USP44: variants seen among roughly 807,000 people sequenced by gnomAD.
The protein encoded by USP44 is ubiquitin carboxyl-terminal hydrolase 44.
A neutral mutation model predicts 69.0 loss-of-function variants in USP44; 61 were observed. The ratio of observed to expected loss-of-function variants is 0.88; its 90% CI spans 0.72 to 1.09. USP44 has a LOEUF of 1.09. Ranked by LOEUF, USP44 falls within the 50% of genes least tolerant of loss-of-function variation. The pLI is 0.00. For synonymous variants in USP44, 297 were observed against 295.4 expected, an observed-to-expected ratio of 1.01 and a Z score of -0.06; for missense variants, 753 against 849.9, an observed-to-expected ratio of 0.89 and a Z score of 1.42.
At chr12:95,546,164 C>G (rs982267082) in intron 1 of USP44, among the ~76,000 whole-genome samples, 2 of 152,266 alleles carry the variant, frequency 1.3e-5, no homozygotes, top group East Asian at 3.9e-4. Context: ...ATCAATCTAC[C>G]GCAGCTAACT....
intron 3 of USP44, among the ~76,000 whole-genome samples, chr12:95,527,009 A>G (rs145792495): frequency 3.3e-5 from 5 of 152,174 alleles, no homozygotes; most frequent in Non-Finnish European, 5.9e-5. Context: ...CCAACACCTG[A>G]GCAGGGTACA....
chr12:95,518,095 A>C lies in USP44; in HGVS notation c.*59T>G. On this transcript the variant is annotated 3_prime_UTR_variant, in exon 6 of 6. Coordinates refer to ENST00000258499, the MANE Select transcript of USP44 (RefSeq NM_032147.5). Reference sequence around the variant, plus strand: ...GAAAAAATGAAGTTTAAAATGGTACATCAGTCTTTTAAAAAGTATATATAT... The same window carrying C: ...GAAAAAATGAAGTTTAAAATGGTACCTCAGTCTTTTAAAAAGTATATATAT... 6.4e-7 allele frequency: 1 copy of C among 1,558,304 alleles called. No individual in the cohort carries two copies. The highest frequency in any genetic ancestry group is 8.8e-7 in the Non-Finnish European group (1 of 1,138,634).
chr12:95,518,688 C>T (rs1000181518), intron 5 of USP44, among the ~76,000 whole-genome samples: 1 of 152,106 alleles, frequency 6.6e-6, no homozygotes, highest in African/African-American at 2.4e-5. Context: ...GCCTGTAATC[C>T]TAGCACTTTG....
chr12:95,533,633 C>T lies in USP44; in HGVS notation c.624G>A (p.Met208Ile). Residue 208 changes from methionine (M) to isoleucine (I), a missense_variant, in exon 2 of 6, where the codon ATG becomes ATA. Coordinates refer to ENST00000258499, the MANE Select transcript of USP44 (RefSeq NM_032147.5). The stretch of plus-strand genomic sequence containing the variant: ...GTAAACGTAAACTCTTTCTTGGAGG[C>T]ATACTTTCCAATTCTGCTTTAACTT... ...EYQVKAELES[M>I]PPRKSLRLQG... is the part of the protein sequence containing the mutation. 2 of 1,613,858 alleles carry T rather than the reference C, an allele frequency of 1.2e-6. No individual in the cohort carries two copies.
chr12:95,525,260 C>T (rs1216568820), intron 3 of USP44, among the ~76,000 whole-genome samples: 5 of 151,978 alleles, frequency 3.3e-5, no homozygotes, highest in Non-Finnish European at 7.4e-5. Flanking sequence ...TTAGTAGAGA[C>T]GGGGTTTCAC....
chr12:95,524,636 T>G, intron 4 of USP44, 44 bp downstream of exon 4: 1 of 1,444,650 alleles, frequency 6.9e-7, no homozygotes, highest in Non-Finnish European at 9.4e-7. Flanking sequence ...TGAAGCATTA[T>G]AAGCACAAGG....
chr12:95,539,313 C>T (rs903170687), intron 1 of USP44, among the ~76,000 whole-genome samples: 3 of 151,552 alleles, frequency 2.0e-5, no homozygotes, highest in Admixed American at 2.0e-4. Context: ...GCAAGCTCCG[C>T]CTCCTGGGTT....
intron 3 of USP44, among the ~76,000 whole-genome samples, chr12:95,525,501 A>G (rs1420679855): frequency 6.6e-6 from 1 of 152,228 alleles, no homozygotes; most frequent in Non-Finnish European, 1.5e-5. Flanking sequence ...AAAAAAGAAA[A>G]AAGAAAAAAA....
At chr12:95,529,183 A>T (rs570089534) in intron 2 of USP44, among the ~76,000 whole-genome samples, 181 bp from the exon 3 acceptor site, 1 of 152,208 alleles carries the variant, frequency 6.6e-6, no homozygotes, top group African/African-American at 2.4e-5. Flanking sequence ...CTTCCAAAAG[A>T]TTGTTATCAG....
Position 95,533,030 on chromosome 12 carries a change from C to T in USP44, c.1227G>A (p.Val409=), listed in dbSNP as rs1225517205. The T allele has an allele frequency of 6.2e-7, 1 of 1,614,220 alleles. No individual in the cohort carries two copies. The highest frequency in any genetic ancestry group is 1.1e-5 in the South Asian group (1 of 91,080). Residue 409 remains valine (V), a synonymous_variant, in exon 2 of 6, where the codon GTG becomes GTA. Coordinates refer to ENST00000258499, the MANE Select transcript of USP44 (RefSeq NM_032147.5). ...LVSPFAMLHS[V]WRLIPAFRGY... ...CACGAAAGGCAGGAATGAGTCTCCACACTGAGTGTAGCATAGCAAATGGTG... is the reference window on the plus strand; with the variant it reads ...CACGAAAGGCAGGAATGAGTCTCCATACTGAGTGTAGCATAGCAAATGGTG...
chr12:95,516,930 T>TTAGA lies in USP44; in HGVS notation c.*1220_*1223dup, dbSNP rs1050879807. 21 of 152,286 alleles carry TTAGA rather than the reference T, an allele frequency of 1.4e-4. No homozygotes were observed. The highest frequency in any genetic ancestry group is 7.8e-4 in the Admixed American group (12 of 15,294). 9.4% of individuals were successfully genotyped at this position (152,286 alleles called of 1,614,324 possible). On this transcript the variant is annotated 3_prime_UTR_variant, in exon 6 of 6. Coordinates refer to ENST00000258499, the MANE Select transcript of USP44 (RefSeq NM_032147.5). ...ATGATCTTCCTGTGGTTAACAGAGC[T>TTAGA]TAGATACATAGCTGGTCTACAGAGA... is the stretch of plus-strand genomic sequence containing the variant.
intron 2 of USP44, among the ~76,000 whole-genome samples, chr12:95,532,178 T>TTC (rs1555200232): frequency 6.7e-6 from 1 of 148,926 alleles, no homozygotes; most frequent in African/African-American, 2.5e-5. Flanking sequence ...TTTTTTTTTT[T>TTC]TTTTTTTGAG....
intron 2 of USP44, among the ~76,000 whole-genome samples, chr12:95,530,392 G>A (rs993847820): frequency 2.6e-5 from 4 of 152,186 alleles, no homozygotes; most frequent in Admixed American, 6.5e-5. Context: ...AGGCCAAAGC[G>A]GGAGGGCTGC....
intron 3 of USP44, among the ~76,000 whole-genome samples, chr12:95,526,252 C>A (rs903392334): frequency 5.3e-5 from 8 of 152,156 alleles, no homozygotes; most frequent in Non-Finnish European, 1.0e-4. Context: ...TTCATCATAA[C>A]AACTTTGACA....
At chr12:95,538,715 G>A (rs954530213) in intron 1 of USP44, among the ~76,000 whole-genome samples, 1 of 152,238 alleles carries the variant, frequency 6.6e-6, no homozygotes, top group Admixed American at 6.5e-5. Context: ...GTGGAAAGCA[G>A]GAGCTGCAGA....
At chr12:95,549,306 T>A (rs1384214013) in intron 1 of USP44, among the ~76,000 whole-genome samples, 1 of 152,184 alleles carries the variant, frequency 6.6e-6, no homozygotes, top group Non-Finnish European at 1.5e-5. Context: ...CGATGACGGC[T>A]GTGAATTGGG....
At chr12:95,543,984 A>AG (rs1565840808) in intron 1 of USP44, among the ~76,000 whole-genome samples, 4 of 148,816 alleles carry the variant, frequency 2.7e-5, no homozygotes, top group African/African-American at 4.9e-5. Flanking sequence ...AAAAAAAAAA[A>AG]AAAAAGAAAA....
chr12:95,519,619 T>A (rs951133631), intron 5 of USP44, among the ~76,000 whole-genome samples: 7 of 150,432 alleles, frequency 4.7e-5, no homozygotes, highest in African/African-American at 1.2e-4. Context: ...TTTTTTTTTT[T>A]ATTTTTAGTA....
chr12:95,522,088 G>T, intron 4 of USP44: 1 of 985,406 alleles, frequency 1.0e-6, no homozygotes, highest in Non-Finnish European at 1.2e-6. Flanking sequence ...GGCAAGCAAT[G>T]TGTTTATCAA....
Sources: allele counts gnomAD v4.1 joint callset (sites outside exome capture counted in the v4.1 genomes callset), GRCh38; gene constraint gnomAD v4.1.1; transcripts MANE v1.5; gene names NCBI Gene and HGNC (gene_info 2026-07-23, HGNC 2026-07-21).